The following GRIP1 variants were observed in gnomAD, a reference collection of about 807,000 sequenced individuals.
GRIP1 encodes glutamate receptor interacting protein 1, also known as glutamate receptor-interacting protein 1.
In GRIP1, 45 loss-of-function variants were observed where a neutral mutation model predicts 129.9. The observed-to-expected ratio is 0.35, with a 90% CI of 0.27 to 0.44. GRIP1 has a LOEUF of 0.44. Ranked by LOEUF, GRIP1 falls within the 20% of genes least tolerant of loss-of-function variation. The pLI is 1.00. For synonymous variants in GRIP1, 530 were observed against 520.8 expected (o/e 1.02, Z -0.24); for missense variants, 1,196 against 1,396.8 (o/e 0.86, Z 2.29).
At chr12:66,838,079 C>T (rs954733283) in intron 1 of GRIP1, among the ~76,000 whole-genome samples, 5 of 151,412 alleles carry the variant, frequency 3.3e-5, no homozygotes, top group Admixed American at 1.3e-4. Flanking sequence ...CCAGCTACTC[C>T]AGAGGCTGAG....
At chr12:66,874,797 C>T (rs2040355558) in intron 1 of GRIP1, among the ~76,000 whole-genome samples, 1 of 152,034 alleles carries the variant, frequency 6.6e-6, no homozygotes, top group Admixed American at 6.6e-5. Flanking sequence ...CCAGGACCCA[C>T]CTCCAACACT....
intron 1 of GRIP1, among the ~76,000 whole-genome samples, chr12:66,985,629 C>G (rs561317092): frequency 6.6e-6 from 1 of 152,196 alleles, no homozygotes; most frequent in South Asian, 2.1e-4. Context: ...GAAATAAGGA[C>G]TGATCATTAA....
At chr12:66,529,071 TG>T (rs1289287417) in intron 5 of GRIP1, among the ~76,000 whole-genome samples, 1 of 151,722 alleles carries the variant, frequency 6.6e-6, no homozygotes, top group East Asian at 1.9e-4. Flanking sequence ...ATCAGGGAAA[TG>T]CAAATCAAAA....
chr12:67,066,911 T>TATATATATATAC (rs1474197671), intron 1 of GRIP1, among the ~76,000 whole-genome samples: 206 of 140,568 alleles, frequency 1.5e-3, no homozygotes, highest in South Asian at 7.8e-3. Flanking sequence ...TATATATATA[T>TATATATATATAC]ACACACACAC....
chr12:67,057,823 G>T (rs2043464095), intron 1 of GRIP1, among the ~76,000 whole-genome samples: 1 of 152,198 alleles, frequency 6.6e-6, no homozygotes, highest in South Asian at 2.1e-4. Flanking sequence ...ATGTGAAATG[G>T]TAACAAAGAA....
chr12:66,792,359 C>T (rs143211944), intron 1 of GRIP1, among the ~76,000 whole-genome samples: 1,755 of 152,206 alleles, frequency 0.012, 7 homozygotes, highest in Middle Eastern at 0.034. Context: ...TCCACACCCC[C>T]TTCTCCCAAG....
intron 1 of GRIP1, among the ~76,000 whole-genome samples, chr12:66,890,773 C>G (rs977992479): frequency 6.6e-6 from 1 of 152,028 alleles, no homozygotes; most frequent in African/African-American, 2.4e-5. Context: ...AATTATCTGC[C>G]TAAAGAAGAA....
chr12:66,389,200 A>C (rs1394527343), intron 19 of GRIP1, among the ~76,000 whole-genome samples: 1 of 152,132 alleles, frequency 6.6e-6, no homozygotes, highest in Non-Finnish European at 1.5e-5. Context: ...AGGAAAAATA[A>C]AAGTGTGGTT....
At chr12:66,731,088 C>A (rs1408334761) in intron 1 of GRIP1, among the ~76,000 whole-genome samples, 1 of 152,122 alleles carries the variant, frequency 6.6e-6, no homozygotes, top group Non-Finnish European at 1.5e-5. Context: ...TAGACACACA[C>A]ATTTATTCTT....
intron 17 of GRIP1, 42 bp from the exon 18 acceptor site, chr12:66,392,858 T>C (rs866925829): frequency 8.3e-6 from 13 of 1,561,242 alleles, no homozygotes; most frequent in Middle Eastern, 1.7e-4. Flanking sequence ...AAATAATCCC[T>C]GTATGGTACT....
At chr12:66,753,293 C>T (rs796873729) in intron 1 of GRIP1, among the ~76,000 whole-genome samples, 7 of 152,048 alleles carry the variant, frequency 4.6e-5, no homozygotes, top group African/African-American at 1.7e-4. Context: ...GATGTGGCTA[C>T]GTATATGAAT....
chr12:66,580,981 A>G (rs1183320826), intron 2 of GRIP1, among the ~76,000 whole-genome samples: 2 of 152,226 alleles, frequency 1.3e-5, no homozygotes, highest in African/African-American at 2.4e-5. Context: ...CACCACAGCT[A>G]TTCCAAAATT....
At chr12:66,567,470 T>C (rs1455560002) in intron 2 of GRIP1, 3 of 152,208 alleles carry the variant, frequency 2.0e-5, no homozygotes, top group Admixed American at 2.0e-4. Context: ...ACAAACTGTC[T>C]CTCAGACCAC....
At chr12:66,892,554 G>A (rs2040678556) in intron 1 of GRIP1, among the ~76,000 whole-genome samples, 1 of 151,440 alleles carries the variant, frequency 6.6e-6, no homozygotes, top group South Asian at 2.1e-4. Flanking sequence ...ACCTTTTCAG[G>A]AGTCTACCAC....
intron 1 of GRIP1, among the ~76,000 whole-genome samples, chr12:66,915,030 G>C (rs970489269): frequency 6.6e-6 from 1 of 152,156 alleles, no homozygotes; most frequent in African/African-American, 2.4e-5. Context: ...CATGTCTCTG[G>C]ATGTCCCAGT....
chr12:66,356,882 AT>A (rs2054514056), intron 23 of GRIP1, among the ~76,000 whole-genome samples: 1 of 151,788 alleles, frequency 6.6e-6, no homozygotes, highest in South Asian at 2.1e-4. Context: ...TTTATTTTTA[AT>A]TTTTTGAGAC....
rs1227938903 is a variant in GRIP1, at chr12:66,861,643, T to A, written c.58+207407A>T. ...TCTGAAGAAAAATCTAGTTTTCTTATTACCACTGAAGTTTACATGAGTATT... is the reference window on the plus strand; with the variant it reads ...TCTGAAGAAAAATCTAGTTTTCTTAATACCACTGAAGTTTACATGAGTATT... On this transcript the variant is annotated intron_variant, in intron 1 of 1. Coordinates refer to the GRIP1 transcript ENST00000643019. Among the ~76,000 whole-genome samples the A allele has an allele frequency of 3.3e-5, 5 of 152,144 alleles. No homozygotes were observed. The East Asian group carries it at 9.6e-4, about 29-fold the overall frequency.
intron 1 of GRIP1, among the ~76,000 whole-genome samples, chr12:66,684,412 C>T (rs751108212): frequency 3.3e-5 from 5 of 152,132 alleles, no homozygotes; most frequent in East Asian, 1.9e-4. Flanking sequence ...CCTTAAATGT[C>T]GGAATTCCCC....
chr12:66,966,250 T>C (rs1337022398), intron 1 of GRIP1, among the ~76,000 whole-genome samples: 1 of 152,164 alleles, frequency 6.6e-6, no homozygotes, highest in Non-Finnish European at 1.5e-5. Context: ...CTAATAATTC[T>C]ACAAATGAAC....
Sources: allele counts gnomAD v4.1 joint callset (sites outside exome capture counted in the v4.1 genomes callset), GRCh38; gene constraint gnomAD v4.1.1; transcripts MANE v1.5; gene names NCBI Gene and HGNC (gene_info 2026-07-23, HGNC 2026-07-21).